Variants in EDN1 observed in about 807,000 individuals in gnomAD.
EDN1 encodes the protein endothelin-1.
Under a neutral mutation model 21.7 loss-of-function variants are expected in EDN1, and 11 were observed. The ratio of observed to expected loss-of-function variants is 0.51; its 90% CI spans 0.32 to 0.84. The LOEUF is 0.84. EDN1 is among the 40% of genes least tolerant of loss of function. The pLI is 0.03. For synonymous variants in EDN1, 85 were observed against 90.6 expected, an observed-to-expected ratio of 0.94 and a Z score of 0.35; for missense variants, 244 against 262.3, an observed-to-expected ratio of 0.93 and a Z score of 0.48.
At chr6:12,255,605 G>A in the EDN1 span, among the ~76,000 whole-genome samples, 1 of 152,110 alleles carries the variant, frequency 6.6e-6, no homozygotes, top group African/African-American at 2.4e-5. Context: ...TTTGATTTTG[G>A]CTGTGGAAGT....
the EDN1 span, among the ~76,000 whole-genome samples, chr6:12,267,615 G>A: frequency 1.3e-5 from 2 of 152,190 alleles, no homozygotes; most frequent in African/African-American, 4.8e-5. Flanking sequence ...AAGGAAAGAA[G>A]CTATCTCCAT....
At chr6:12,265,334 G>A in the EDN1 span, among the ~76,000 whole-genome samples, 1 of 152,186 alleles carries the variant, frequency 6.6e-6, no homozygotes, top group Non-Finnish European at 1.5e-5. Context: ...TTCATTTGTT[G>A]AAGGGTTAAC....
chr6:12,261,227 A>C, the EDN1 span, among the ~76,000 whole-genome samples: 95 of 152,350 alleles, frequency 6.2e-4, no homozygotes, highest in South Asian at 1.4e-3. Context: ...AACACCTCGA[A>C]GAGAAAAGTA....
the EDN1 span, among the ~76,000 whole-genome samples, chr6:12,236,033 A>G: frequency 6.6e-6 from 1 of 152,206 alleles, no homozygotes; most frequent in South Asian, 2.1e-4. Context: ...ACAAGATTTC[A>G]TAACAATAAT....
At chr6:12,265,038 T>C in the EDN1 span, among the ~76,000 whole-genome samples, 4 of 152,166 alleles carry the variant, frequency 2.6e-5, no homozygotes, top group African/African-American at 9.7e-5. Flanking sequence ...TCTACACCAT[T>C]TAGCCTGATG....
rs1175229600 is a variant in EDN1 at position 12,294,041 on chromosome 6, G to T, written c.334G>T (p.Ala112Ser). ...AGACCGTGAAAATAGATGCCAATGT[G>T]CTAGCCAAAAAGACAAGAAGTGCTG... Reference protein sequence around the residue: ...ATDRENRCQCASQKDKKCWNF... With the variant: ...ATDRENRCQCSSQKDKKCWNF... Residue 112 changes from alanine to serine, a missense_variant, in exon 3 of 5, where the codon GCT becomes TCT. Coordinates refer to ENST00000379375, the MANE Select transcript of EDN1 (RefSeq NM_001955.5). 5.6e-6 allele frequency: 9 copies of T among 1,614,076 alleles called. No homozygotes were observed. Among genetic ancestry groups the T allele is most frequent in the Non-Finnish European group, 7.6e-6 (9 of 1,180,052 alleles).
the EDN1 span, among the ~76,000 whole-genome samples, chr6:12,247,536 C>CTTT: frequency 1.1e-3 from 108 of 97,750 alleles, no homozygotes; most frequent in Non-Finnish European, 1.5e-3. Context: ...TTCTTTCTTT[C>CTTT]TTTTTTTTTT....
At chr6:12,233,901 C>T in the EDN1 span, among the ~76,000 whole-genome samples, 1 of 152,192 alleles carries the variant, frequency 6.6e-6, no homozygotes, top group Non-Finnish European at 1.5e-5. Flanking sequence ...GACAACCACA[C>T]AGCACAAGTG....
At chr6:12,292,296 C>A in intron 1 of EDN1, 45 bp from the exon 2 acceptor site, 2 of 1,609,228 alleles carry the variant, frequency 1.2e-6, no homozygotes, top group South Asian at 1.1e-5. Flanking sequence ...TGTCTCTCGG[C>A]GTTTGAGGAG....
chr6:12,259,420 GA>G, the EDN1 span, among the ~76,000 whole-genome samples: 11 of 150,562 alleles, frequency 7.3e-5, no homozygotes, highest in Non-Finnish European at 1.3e-4. Context: ...TAATTAGAAA[GA>G]TTATTATAAA....
chr6:12,257,050 G>GA, the EDN1 span, among the ~76,000 whole-genome samples: 4 of 152,128 alleles, frequency 2.6e-5, no homozygotes, highest in Non-Finnish European at 5.9e-5. Context: ...AAGAGTAAGA[G>GA]AAAAATGAGG....
the EDN1 span, among the ~76,000 whole-genome samples, chr6:12,267,317 T>C: frequency 9.4e-3 from 1,427 of 152,284 alleles, 9 homozygotes; most frequent in Middle Eastern, 0.027. Context: ...ATTGCTATGG[T>C]TTAAAGGTCC....
chr6:12,273,626 T>C, the EDN1 span, among the ~76,000 whole-genome samples: 1 of 147,456 alleles, frequency 6.8e-6, no homozygotes, highest in Non-Finnish European at 1.5e-5. Flanking sequence ...TTTTTTTTTT[T>C]CAGTTATGGT....
the EDN1 span, among the ~76,000 whole-genome samples, chr6:12,253,036 G>A: frequency 5.3e-5 from 8 of 152,138 alleles, no homozygotes; most frequent in Non-Finnish European, 1.0e-4. Flanking sequence ...TAGGGGAAAA[G>A]TTTGTGACCA....
the EDN1 span, among the ~76,000 whole-genome samples, chr6:12,233,063 C>T: frequency 2.6e-5 from 4 of 152,254 alleles, no homozygotes; most frequent in South Asian, 6.2e-4. Flanking sequence ...CAAAGAAAAC[C>T]CAGCAGATTT....
chr6:12,233,697 G>T, the EDN1 span, among the ~76,000 whole-genome samples: 11 of 152,114 alleles, frequency 7.2e-5, no homozygotes, highest in African/African-American at 1.2e-4. Flanking sequence ...AAATAAAAAG[G>T]GGTGACATCT....
chr6:12,241,763 C>T, the EDN1 span, among the ~76,000 whole-genome samples: 1,551 of 152,230 alleles, frequency 0.01, 8 homozygotes, highest in Non-Finnish European at 0.016. Context: ...TTTGGAGACT[C>T]AATCATTGTT....
At chr6:12,273,013 T>C in the EDN1 span, among the ~76,000 whole-genome samples, 1 of 152,150 alleles carries the variant, frequency 6.6e-6, no homozygotes, top group Non-Finnish European at 1.5e-5. Context: ...AAAGACACAG[T>C]CCCTCTTCTC....
chr6:12,257,790 T>C, the EDN1 span, among the ~76,000 whole-genome samples: 7 of 152,150 alleles, frequency 4.6e-5, no homozygotes, highest in African/African-American at 1.7e-4. Flanking sequence ...GTCATGCTTA[T>C]AAAAGATAAG....
Sources: gnomAD v4.1 joint callset for allele counts (sites outside exome capture counted in the v4.1 genomes callset) on GRCh38, gnomAD v4.1.1 for gene constraint, MANE v1.5 for transcripts, NCBI Gene and HGNC (gene_info 2026-07-23, HGNC 2026-07-21) for gene names.